Variants in LEO1 observed in about 807,000 individuals in gnomAD.
LEO1 encodes RNA polymerase-associated protein LEO1.
LEO1 carries 34 observed loss-of-function variants against 80.4 expected under a neutral mutation model. That is an observed-to-expected ratio of 0.42 (90% CI 0.32 to 0.56). LEO1 has a LOEUF of 0.56. LEO1 is among the 20% of genes least tolerant of loss of function. LEO1 has a pLI of 0.10. For missense variants in LEO1, 631 were observed against 814.2 expected (o/e 0.77, Z 2.74); for synonymous variants, 262 against 274.9 (o/e 0.95, Z 0.46).
intron 2 of LEO1, among the ~76,000 whole-genome samples, chr15:51,962,753 G>C (rs1035842026): frequency 6.6e-5 from 10 of 152,128 alleles, no homozygotes; most frequent in African/African-American, 2.4e-4. Context: ...AAAGTTTAGT[G>C]ACAGAAAAGA....
At chr15:51,949,749 T>C in intron 10 of LEO1, 59 bp downstream of exon 10, 1 of 1,375,672 alleles carries the variant, frequency 7.3e-7, no homozygotes, top group Non-Finnish European at 1.0e-6. Context: ...TTACATCTAA[T>C]GCCAAGATGA....
Position 51,965,915 on chromosome 15 carries a change from C to T in LEO1, c.648G>A (p.Arg216=). 6.2e-7 allele frequency: 1 copy of T among 1,614,138 alleles called. No individual in the cohort carries two copies. The highest frequency in any genetic ancestry group is 8.5e-7 in the Non-Finnish European group (1 of 1,180,026). The part of the protein sequence containing the change: ...EEEKANSDDE[R]PVASDNDDEK... ...CATCATCATTATCAGAAGCTACCGGCCGTTCATCATCAGAATTAGCCTTTT... is the reference window on the plus strand; with the variant it reads ...CATCATCATTATCAGAAGCTACCGGTCGTTCATCATCAGAATTAGCCTTTT... Residue 216 remains arginine, a synonymous_variant, in exon 2 of 12, where the codon CGG becomes CGA. Coordinates refer to ENST00000299601, the MANE Select transcript of LEO1 (RefSeq NM_138792.4).
intron 3 of LEO1, among the ~76,000 whole-genome samples, chr15:51,961,352 AGGTGGTGGT>A (rs367548538): frequency 0.013 from 1,823 of 139,964 alleles, 22 homozygotes; most frequent in African/African-American, 0.022. Flanking sequence ...TTATAATACC[AGGTGGTGGT>A]GGTGGTGGTG....
chr15:51,960,465 T>C (rs1018414373), intron 4 of LEO1, among the ~76,000 whole-genome samples, 174 bp downstream of exon 4: 2 of 152,208 alleles, frequency 1.3e-5, no homozygotes, highest in Admixed American at 1.3e-4. Context: ...TTGGCAGTTA[T>C]TTCCACTCCC....
chr15:51,944,835 C>T (rs775853057), intron 11 of LEO1, among the ~76,000 whole-genome samples: 13 of 152,106 alleles, frequency 8.5e-5, no homozygotes, highest in Admixed American at 5.9e-4. Context: ...TTTACAGCAA[C>T]GCTGAGAGAA....
At chr15:51,960,071 C>T (rs1414768167) in intron 4 of LEO1, 27 bp from the exon 5 acceptor site, 2 of 1,588,508 alleles carry the variant, frequency 1.3e-6, no homozygotes, top group East Asian at 2.2e-5. Context: ...AAGTTTGGAG[C>T]TTGACAGGAC....
At chr15:51,957,659 A>G (rs905415555) in intron 6 of LEO1, among the ~76,000 whole-genome samples, 1 of 152,214 alleles carries the variant, frequency 6.6e-6, no homozygotes, top group Admixed American at 6.5e-5. Flanking sequence ...CATTGAAGAG[A>G]TGGTACTATT....
chr15:51,945,259 A>G (rs2056889211), intron 11 of LEO1, among the ~76,000 whole-genome samples: 1 of 138,476 alleles, frequency 7.2e-6, no homozygotes, highest in African/African-American at 2.8e-5. Flanking sequence ...TCTACAAAAA[A>G]TACAAAAAAA....
Position 51,960,043 on chromosome 15 carries a change from T to A in LEO1, c.1016A>T (p.Asp339Val). 1 of 1,610,026 alleles carries A rather than the reference T, an allele frequency of 6.2e-7. No individual in the cohort carries two copies. Among genetic ancestry groups the A allele is most frequent in the South Asian group, 1.1e-5 (1 of 89,834 alleles). The stretch of plus-strand genomic sequence containing the variant: ...TTGATCCTGAGGCAATCCATTTTCA[T>A]CCTAGTGAAAGAATCGGAAGTTTGG... Reference protein sequence around the residue: ...DKPPTPGQPVDENGLPQDQQE... With the variant: ...DKPPTPGQPVVENGLPQDQQE... The change falls in exon 5 of 12, where the codon GAT (aspartate) becomes GTT (valine). Residue 339 changes from aspartate to valine, a missense_variant and splice_region_variant. Transcript: ENST00000299601.
At chr15:51,971,622 C>T (rs972340849) in intron 1 of LEO1, 66 bp downstream of exon 1, 14 of 1,534,482 alleles carry the variant, frequency 9.1e-6, no homozygotes, top group Admixed American at 1.7e-5. Context: ...GGAGCCTCCA[C>T]GGTTGTCCGG....
chr15:51,963,881 G>A (rs2057052010), intron 2 of LEO1, among the ~76,000 whole-genome samples: 1 of 122,850 alleles, frequency 8.1e-6, no homozygotes, highest in Non-Finnish European at 1.6e-5. Flanking sequence ...CAGCCTGGAT[G>A]ACAGAGACTC....
At position 51,951,865 on chromosome 15, in the gene LEO1, G is replaced by A. The variant is rs2056951822; in HGVS notation, c.1590C>T (p.Cys530=). ...ILPMAGRDPE[C]QRTEMIKKEE... ...ATACCTTAATCATTTCTGTGCGTTG[G>A]CATTCAGGATCACGACCAGCCATTG... Residue 530 remains cysteine (C), a synonymous_variant, in exon 9 of 12, where the codon TGC becomes TGT. Transcript: ENST00000299601. The A allele has an allele frequency of 6.2e-7, 1 of 1,613,852 alleles. No homozygotes were observed. The highest frequency in any genetic ancestry group is 2.2e-5 in the East Asian group (1 of 44,886).
intron 11 of LEO1, among the ~76,000 whole-genome samples, chr15:51,940,539 C>T (rs879853293): frequency 1.1e-4 from 16 of 150,404 alleles, no homozygotes; most frequent in African/African-American, 2.2e-4. Flanking sequence ...CCAGCCTGGG[C>T]GACAGAGCGA....
At chr15:51,961,477 C>CT (rs2057030576) in intron 3 of LEO1, among the ~76,000 whole-genome samples, 1 of 152,032 alleles carries the variant, frequency 6.6e-6, no homozygotes, top group African/African-American at 2.4e-5. Flanking sequence ...ACTGCAACCT[C>CT]TGCCTCCCGA....
rs117916547 is a variant in LEO1 at position 51,963,620 on chromosome 15, G to A, written c.815-1127C>T. Among the ~76,000 whole-genome samples, 314 of 151,848 alleles carry A rather than the reference G, an allele frequency of 2.1e-3. 2 individuals are homozygous for A. The highest frequency in any genetic ancestry group is 3.9e-3 in the Non-Finnish European group (262 of 67,910). ...TAACAGTAAAAACAGCCCTACTTTCGGCCAGGCATGGTGGCTCTTGCCTGT... is the reference window on the plus strand; with the variant it reads ...TAACAGTAAAAACAGCCCTACTTTCAGCCAGGCATGGTGGCTCTTGCCTGT... On this transcript the variant is annotated intron_variant, in intron 2 of 11. Coordinates refer to ENST00000299601, the MANE Select transcript of LEO1 (RefSeq NM_138792.4).
At chr15:51,947,553 C>T (rs770087773) in intron 10 of LEO1, among the ~76,000 whole-genome samples, 164 bp from the exon 11 acceptor site, 1 of 152,016 alleles carries the variant, frequency 6.6e-6, no homozygotes, top group Non-Finnish European at 1.5e-5. Context: ...GTAGGTGGGA[C>T]CACAGGTGTG....
chr15:51,953,946 T>G (rs1253397468), intron 7 of LEO1, among the ~76,000 whole-genome samples: 1 of 151,568 alleles, frequency 6.6e-6, no homozygotes, highest in Non-Finnish European at 1.5e-5. Flanking sequence ...TCTTTTTTTT[T>G]TTTTTGAGAC....
chr15:51,960,056 A>T lies in LEO1; in HGVS notation c.1015-12T>A, dbSNP rs2057018020. Reference sequence around the variant, plus strand: ...AATCCATTTTCATCCTAGTGAAAGAATCGGAAGTTTGGAGCTTGACAGGAC... The same window carrying T: ...AATCCATTTTCATCCTAGTGAAAGATTCGGAAGTTTGGAGCTTGACAGGAC... On this transcript the variant is annotated splice_polypyrimidine_tract_variant and intron_variant, in intron 4 of 11. Coordinates refer to ENST00000299601, the MANE Select transcript of LEO1 (RefSeq NM_138792.4). 6.2e-7 allele frequency: 1 copy of T among 1,607,920 alleles called. No individual in the cohort carries two copies. The highest frequency in any genetic ancestry group is 1.3e-5 in the African/African-American group (1 of 74,544).
At position 51,966,574 on chromosome 15, in the gene LEO1, C is replaced by A. The variant is rs1049577740; in HGVS notation, c.59-70G>T. 1.6e-5 allele frequency: 14 copies of A among 862,242 alleles called. No individual in the cohort carries two copies. The African/African-American group carries it at 2.0e-4, about 12-fold the overall frequency. The allele number at this position is 862,242 out of a possible 1,614,324, so 53.4% of individuals were successfully genotyped here. On this transcript the variant is annotated intron_variant, in intron 1 of 11. Coordinates refer to ENST00000299601, the MANE Select transcript of LEO1 (RefSeq NM_138792.4). ...AGAGTAAGGCAGTCCCAAAGTCCAT[C>A]CCAACATAAAAGCAATGAAGAAACT...
Sources: gnomAD v4.1 joint callset for allele counts (sites outside exome capture counted in the v4.1 genomes callset) on GRCh38, gnomAD v4.1.1 for gene constraint, MANE v1.5 for transcripts, NCBI Gene and HGNC (gene_info 2026-07-23, HGNC 2026-07-21) for gene names.